The following CDIN1 variants were observed in gnomAD, a reference collection of about 807,000 sequenced individuals.
The protein encoded by CDIN1 is CDAN1 interacting nuclease 1, also known as CDAN1-interacting nuclease 1.
Under a neutral mutation model 45.3 loss-of-function variants are expected in CDIN1, and 33 were observed. The ratio of observed to expected loss-of-function variants is 0.73; its 90% CI spans 0.55 to 0.97. CDIN1 has a LOEUF of 0.97. CDIN1 is among the 50% of genes least tolerant of loss of function. The pLI, the probability that CDIN1 is intolerant of heterozygous loss-of-function variation, is 0.00. For missense variants in CDIN1, 303 were observed against 339.4 expected (o/e 0.89, Z 0.84); for synonymous variants, 118 against 124.4 (o/e 0.95, Z 0.34).
In CDIN1 at chr15:36,703,371, C is replaced by CAG. The variant is rs1555397330; in HGVS notation, c.545-5851_545-5850insGA. On this transcript the variant is annotated intron_variant, in intron 8 of 10. Transcript: ENST00000566621. ...ATATACATATATCAGATAGATCTAT[C>CAG]ATATATATATATATCAGATATATAT... Among the ~76,000 whole-genome samples the CAG allele has an allele frequency of 6.1e-3, 153 of 25,244 alleles. 8 individuals are homozygous for CAG. Among genetic ancestry groups the CAG allele is most frequent in the African/African-American group, 0.03 (132 of 4,416 alleles). 16.6% of individuals were successfully genotyped at this position (25,244 alleles called of 152,430 possible). A position where few individuals can be genotyped will look rare whatever the true frequency, so the allele number is the denominator to read the frequency against.
chr15:36,613,488 C>A (rs1223781648), intron 1 of CDIN1: 11 of 1,550,544 alleles, frequency 7.1e-6, no homozygotes, highest in Non-Finnish European at 9.7e-6. Context: ...GGGATCACCA[C>A]CATCAAGGCG....
At chr15:36,808,080 T>A (rs143723052) in intron 10 of CDIN1, among the ~76,000 whole-genome samples, 4 of 151,778 alleles carry the variant, frequency 2.6e-5, no homozygotes, top group African/African-American at 9.7e-5. Context: ...AGATTCAGAG[T>A]TTCCATATCT....
At chr15:36,800,073 A>G (rs1340210785) in intron 10 of CDIN1, among the ~76,000 whole-genome samples, 3 of 152,294 alleles carry the variant, frequency 2.0e-5, no homozygotes, top group African/African-American at 7.2e-5. Context: ...GTGGTTGTAT[A>G]TTTATATACA....
At chr15:36,729,113 G>T (rs1302462483) in intron 10 of CDIN1, among the ~76,000 whole-genome samples, 4 of 152,014 alleles carry the variant, frequency 2.6e-5, no homozygotes, top group Admixed American at 2.6e-4. Context: ...TCATCTTACG[G>T]TTGTGCTATT....
At chr15:36,765,713 A>G (rs1234000068) in intron 10 of CDIN1, among the ~76,000 whole-genome samples, 2 of 152,182 alleles carry the variant, frequency 1.3e-5, no homozygotes, top group Non-Finnish European at 2.9e-5. Context: ...TACATTTTTA[A>G]CAGCCTTGTT....
intron 8 of CDIN1, among the ~76,000 whole-genome samples, chr15:36,701,418 T>C (rs575187970): frequency 3.7e-4 from 56 of 152,284 alleles, no homozygotes; most frequent in African/African-American, 1.3e-3. Context: ...TTTGTGTGTT[T>C]TTTTTAGCAG....
chr15:36,613,447 C>T (rs185711818), intron 1 of CDIN1: 13 of 1,523,072 alleles, frequency 8.5e-6, no homozygotes, highest in Admixed American at 6.7e-5. Context: ...GGAACTGGAG[C>T]GTGAGCAGTA....
In CDIN1 at chr15:36,609,105, C is replaced by T. The variant is rs112568025; in HGVS notation, c.101+29144C>T. ...GGCTCACTGCAGCCTCAACCTCACA[C>T]GCTCCGGTGATGCTTCTGCCTCAGC... On this transcript the variant is annotated intron_variant, in intron 1 of 10. Transcript: ENST00000566621. Among the ~76,000 whole-genome samples, 424 of 152,224 alleles carry T rather than the reference C, an allele frequency of 2.8e-3. 4 individuals are homozygous for T. The highest frequency in any genetic ancestry group is 9.4e-3 in the African/African-American group (389 of 41,522).
At chr15:36,719,595 G>A (rs1441366521) in intron 10 of CDIN1, among the ~76,000 whole-genome samples, 1 of 152,056 alleles carries the variant, frequency 6.6e-6, no homozygotes, top group African/African-American at 2.4e-5. Flanking sequence ...TCCTTCTAAA[G>A]TATTTATCTG....
chr15:36,691,199 C>A (rs756775868), intron 5 of CDIN1: 7 of 518,206 alleles, frequency 1.4e-5, no homozygotes, highest in South Asian at 8.4e-5. Flanking sequence ...TTAGAAGATT[C>A]TTTCATGGCT....
At chr15:36,766,420 C>G (rs1341325556) in intron 10 of CDIN1, among the ~76,000 whole-genome samples, 2 of 152,030 alleles carry the variant, frequency 1.3e-5, no homozygotes, top group Non-Finnish European at 2.9e-5. Context: ...GGATAAATAC[C>G]CAGAAGCAGG....
intron 10 of CDIN1, among the ~76,000 whole-genome samples, chr15:36,772,334 C>G (rs770995268): frequency 6.6e-6 from 1 of 152,102 alleles, no homozygotes; most frequent in Non-Finnish European, 1.5e-5. Flanking sequence ...TATATGAATA[C>G]ATTTGATTGC....
intron 10 of CDIN1, among the ~76,000 whole-genome samples, chr15:36,770,059 T>TC (rs1166094012): frequency 6.6e-6 from 1 of 152,148 alleles, no homozygotes; most frequent in Non-Finnish European, 1.5e-5. Context: ...TTGTTTTTCT[T>TC]CCCCACTCAG....
chr15:36,639,938 T>G (rs2040041745), intron 1 of CDIN1, among the ~76,000 whole-genome samples: 1 of 152,136 alleles, frequency 6.6e-6, no homozygotes, highest in East Asian at 1.9e-4. Flanking sequence ...AGGCATAAAA[T>G]GTTTGCATCC....
intron 1 of CDIN1, chr15:36,626,645 C>T: frequency 8.8e-6 from 3 of 340,360 alleles, no homozygotes; most frequent in Non-Finnish European, 1.7e-5. Context: ...CTCTTTTGGG[C>T]AACAAAGCCA....
rs1235788481 is a variant in CDIN1 at position 36,734,019 on chromosome 15, A to G, written c.716+24058A>G. On this transcript the variant is annotated intron_variant, in intron 10 of 10. Coordinates refer to ENST00000566621, the MANE Select transcript of CDIN1 (RefSeq NM_001321759.2). Reference sequence around the variant, plus strand: ...TTCTTATCCTAGATGAGAAAAAGTCATCCATGAAGCTATTATATTTGATTC... The same window carrying G: ...TTCTTATCCTAGATGAGAAAAAGTCGTCCATGAAGCTATTATATTTGATTC... Among the ~76,000 whole-genome samples the G allele has an allele frequency of 2.0e-5, 3 of 152,168 alleles. No individual in the cohort carries two copies. In the East Asian group the frequency reaches 5.8e-4, roughly 29 times the overall value.
At chr15:36,610,612 G>A (rs1266474854) in intron 1 of CDIN1, among the ~76,000 whole-genome samples, 1 of 152,148 alleles carries the variant, frequency 6.6e-6, no homozygotes, top group African/African-American at 2.4e-5. Flanking sequence ...TTTGCTTTAT[G>A]TGTAAGTGAT....
chr15:36,697,449 A>G (rs2042474355), intron 8 of CDIN1, 59 bp downstream of exon 8: 2 of 1,349,626 alleles, frequency 1.5e-6, no homozygotes, highest in East Asian at 4.7e-5. Context: ...TTAAATATAT[A>G]TTTTAAAAAT....
At chr15:36,736,325 C>T (rs1329912254) in intron 10 of CDIN1, among the ~76,000 whole-genome samples, 1 of 152,126 alleles carries the variant, frequency 6.6e-6, no homozygotes, top group East Asian at 1.9e-4. Context: ...GAAAATCTCC[C>T]TTGATTTACA....
Sources: allele counts gnomAD v4.1 joint callset (sites outside exome capture counted in the v4.1 genomes callset), GRCh38; gene constraint gnomAD v4.1.1; transcripts MANE v1.5; gene names NCBI Gene and HGNC (gene_info 2026-07-23, HGNC 2026-07-21).